Variants in SND1 observed in about 807,000 individuals in gnomAD.
SND1 encodes staphylococcal nuclease and tudor domain containing 1.
Under a neutral mutation model 121.7 loss-of-function variants are expected in SND1, and 38 were observed. That is an observed-to-expected ratio of 0.31 (90% CI 0.24 to 0.41). The LOEUF is 0.41. Ranked by LOEUF, SND1 falls within the 10% of genes least tolerant of loss-of-function variation. The probability of loss-of-function intolerance (pLI) is 1.00; values close to 1 mark genes in which losing one functional copy is unlikely to be tolerated. For missense variants in SND1, 868 were observed against 1,184.6 expected, an observed-to-expected ratio of 0.73 and a Z score of 3.92; for synonymous variants, 401 against 447.4, an observed-to-expected ratio of 0.90 and a Z score of 1.31.
intron 9 of SND1, among the ~76,000 whole-genome samples, 164 bp from the exon 10 acceptor site, chr7:127,721,123 T>C (rs1468830954): frequency 6.6e-6 from 1 of 152,206 alleles, no homozygotes; most frequent in Non-Finnish European, 1.5e-5. Flanking sequence ...CTGATAATTA[T>C]AGCATAGTTT....
intron 1 of SND1, among the ~76,000 whole-genome samples, chr7:127,654,295 C>T (rs1795174347): frequency 6.6e-6 from 1 of 152,156 alleles, no homozygotes; most frequent in Admixed American, 6.5e-5. Flanking sequence ...TTTGTAATAC[C>T]TAACAAGTAG....
intron 1 of SND1, among the ~76,000 whole-genome samples, chr7:127,684,293 G>A (rs371263264): frequency 2.6e-5 from 4 of 152,148 alleles, no homozygotes; most frequent in Admixed American, 1.3e-4. Context: ...CTGGGAATGC[G>A]TTATTACTTT....
At chr7:128,081,979 G>A (rs377249639) in intron 18 of SND1, 16 of 534,144 alleles carry the variant, frequency 3.0e-5, no homozygotes, top group Non-Finnish European at 5.8e-5. Context: ...GGTTAACATA[G>A]CCCTGAGTGA....
chr7:128,000,253 C>T (rs1470273616), intron 16 of SND1, among the ~76,000 whole-genome samples: 1 of 152,080 alleles, frequency 6.6e-6, no homozygotes, highest in Non-Finnish European at 1.5e-5. Flanking sequence ...TCTTGACAAA[C>T]TAAAGATGAC....
At chr7:127,678,058 C>T (rs996235981) in intron 1 of SND1, among the ~76,000 whole-genome samples, 1 of 152,188 alleles carries the variant, frequency 6.6e-6, no homozygotes, top group African/African-American at 2.4e-5. Context: ...ACCTGTTCTA[C>T]TGGCACATAT....
chr7:127,763,632 TTTA>T (rs1797345321), intron 10 of SND1, among the ~76,000 whole-genome samples: 1 of 152,186 alleles, frequency 6.6e-6, no homozygotes, highest in African/African-American at 2.4e-5. Context: ...GTTAAATTGA[TTTA>T]TTGATAATTG....
At chr7:127,972,502 C>T (rs1802019238) in intron 15 of SND1, among the ~76,000 whole-genome samples, 1 of 152,228 alleles carries the variant, frequency 6.6e-6, no homozygotes, top group South Asian at 2.1e-4. Context: ...AAGTGATCCC[C>T]TGTCTTGGCC....
intron 14 of SND1, chr7:127,928,225 T>C (rs1478829177): frequency 6.6e-6 from 1 of 152,226 alleles, no homozygotes; most frequent in Non-Finnish European, 1.5e-5. Flanking sequence ...GTTTTTATTA[T>C]TTCTATAATG....
rs558020157 is a variant in SND1, at chr7:127,730,195, G to A, written c.1152+8795G>A. ...GTTGGTTAGGCTGGTCTCAAACTCC[G>A]ACCTCAGGTGATCCACCCGCCCCGG... On this transcript the variant is annotated intron_variant, in intron 10 of 23. Transcript: ENST00000354725. Among the ~76,000 whole-genome samples, 121 of 152,240 alleles carry A rather than the reference G, an allele frequency of 7.9e-4. 1 individual carries two copies. In the South Asian group the frequency reaches 0.013, roughly 16 times the overall value.
chr7:127,836,422 T>C (rs1798869728), intron 11 of SND1, among the ~76,000 whole-genome samples: 2 of 152,098 alleles, frequency 1.3e-5, no homozygotes, highest in African/African-American at 4.8e-5. Flanking sequence ...ATTACAATGA[T>C]TTGGAAGGGG....
chr7:128,074,370 G>T, intron 16 of SND1, 132 bp from the exon 17 acceptor site: 1 of 829,766 alleles, frequency 1.2e-6, no homozygotes, highest in Non-Finnish European at 1.8e-6. Flanking sequence ...GGTTCTGGGG[G>T]TTCCCAGAGG....
intron 17 of SND1, among the ~76,000 whole-genome samples, chr7:128,075,465 C>T (rs973408737): frequency 6.6e-6 from 1 of 152,214 alleles, no homozygotes; most frequent in Non-Finnish European, 1.5e-5. Flanking sequence ...AAACTCACTT[C>T]CCAGAGCTAA....
chr7:128,073,964 A>T (rs1793460089), intron 16 of SND1, among the ~76,000 whole-genome samples: 1 of 152,072 alleles, frequency 6.6e-6, no homozygotes, highest in South Asian at 2.1e-4. Context: ...CCTTGCGCTG[A>T]TGCATTTCCT....
intron 10 of SND1, among the ~76,000 whole-genome samples, chr7:127,724,040 G>A (rs538746701): frequency 1.3e-5 from 2 of 152,292 alleles, no homozygotes; most frequent in South Asian, 2.1e-4. Flanking sequence ...ATTATGGATA[G>A]CACAGCTTTA....
chr7:127,660,913 G>A (rs1795298456), intron 1 of SND1, among the ~76,000 whole-genome samples: 1 of 151,992 alleles, frequency 6.6e-6, no homozygotes, highest in Admixed American at 6.6e-5. Context: ...AGAAGCTCTG[G>A]GACTGGCCTG....
chr7:127,892,586 C>T (rs771208839), intron 13 of SND1, among the ~76,000 whole-genome samples: 4 of 152,114 alleles, frequency 2.6e-5, no homozygotes, highest in East Asian at 1.9e-4. Context: ...TCCCAAAAGG[C>T]GGCCTTTCGG....
intron 15 of SND1, among the ~76,000 whole-genome samples, chr7:127,973,890 A>G (rs985256494): frequency 6.6e-6 from 1 of 152,194 alleles, no homozygotes; most frequent in Non-Finnish European, 1.5e-5. Context: ...CCCTGGCCTG[A>G]CCACCTGAAC....
At chr7:127,786,546 A>T (rs1797815557) in intron 10 of SND1, among the ~76,000 whole-genome samples, 1 of 152,210 alleles carries the variant, frequency 6.6e-6, no homozygotes, top group Non-Finnish European at 1.5e-5. Flanking sequence ...TCTTTACTCC[A>T]CTTTTTCCTT....
At chr7:127,756,339 G>C (rs2116466539) in intron 10 of SND1, among the ~76,000 whole-genome samples, 1 of 152,288 alleles carries the variant, frequency 6.6e-6, no homozygotes, top group South Asian at 2.1e-4. Context: ...GACTAGGATT[G>C]ATTAGCTATG....
Sources: allele counts gnomAD v4.1 joint callset (sites outside exome capture counted in the v4.1 genomes callset), GRCh38; gene constraint gnomAD v4.1.1; transcripts MANE v1.5; gene names NCBI Gene and HGNC (gene_info 2026-07-23, HGNC 2026-07-21).